The following SOX6 variants were observed in gnomAD, a reference collection of about 807,000 sequenced individuals.
SOX6 encodes the protein transcription factor SOX-6.
Under a neutral mutation model 97.8 loss-of-function variants are expected in SOX6, and 11 were observed. That is an observed-to-expected ratio of 0.11 (90% CI 0.07 to 0.19). SOX6 has a LOEUF of 0.19. SOX6 is among the 10% of genes least tolerant of loss of function. The probability of loss-of-function intolerance (pLI) is 1.00; values close to 1 mark genes in which losing one functional copy is unlikely to be tolerated. For synonymous variants in SOX6, 360 were observed against 371.4 expected, an observed-to-expected ratio of 0.97 and a Z score of 0.35; for missense variants, 810 against 1,039.5, an observed-to-expected ratio of 0.78 and a Z score of 3.04.
chr11:16,266,519 T>C (rs1309913972), intron 3 of SOX6, among the ~76,000 whole-genome samples: 1 of 151,610 alleles, frequency 6.6e-6, no homozygotes, highest in Non-Finnish European at 1.5e-5. Context: ...CATGGGTGTA[T>C]ATTTAATTTT....
intron 3 of SOX6, among the ~76,000 whole-genome samples, chr11:16,707,855 TA>T (rs1848149197): frequency 6.6e-6 from 1 of 152,166 alleles, no homozygotes; most frequent in Non-Finnish European, 1.5e-5. Context: ...TTTTCAGATT[TA>T]GGGATGCCTA....
At chr11:16,187,643 A>G (rs1441442166) in intron 4 of SOX6, among the ~76,000 whole-genome samples, 1 of 151,986 alleles carries the variant, frequency 6.6e-6, no homozygotes, top group East Asian at 1.9e-4. Flanking sequence ...GTCATTTGTC[A>G]TTTTTCAAAG....
rs1858892618 is a variant in SOX6, at chr11:16,414,725, CT to C, written c.-5+61589del. Reference sequence around the variant, plus strand: ...CGAGATCACAGAAGACTACAAGTAGCTAGGCCTTGAAAGATGGATGAAATTC... The same window carrying C: ...CGAGATCACAGAAGACTACAAGTAGCAGGCCTTGAAAGATGGATGAAATTC... On this transcript the variant is annotated intron_variant, in intron 1 of 15. Transcript: ENST00000396356. Among the ~76,000 whole-genome samples, 5 of 152,208 alleles carry C rather than the reference CT, an allele frequency of 3.3e-5. No individual in the cohort carries two copies. In the South Asian group the frequency reaches 1.0e-3, roughly 32 times the overall value.
At chr11:16,641,312 G>C (rs1274479952) in intron 3 of SOX6, among the ~76,000 whole-genome samples, 2 of 152,148 alleles carry the variant, frequency 1.3e-5, no homozygotes, top group Non-Finnish European at 2.9e-5. Flanking sequence ...ATTTGCCGAG[G>C]AGTGCTTTAC....
intron 1 of SOX6, among the ~76,000 whole-genome samples, chr11:16,452,642 C>G (rs1859740514): frequency 6.6e-6 from 1 of 152,136 alleles, no homozygotes; most frequent in Non-Finnish European, 1.5e-5. Context: ...TTTCAATGTG[C>G]TGCTATGGCC....
At chr11:16,244,354 T>C (rs1230877949) in intron 3 of SOX6, among the ~76,000 whole-genome samples, 1 of 151,862 alleles carries the variant, frequency 6.6e-6, no homozygotes, top group Non-Finnish European at 1.5e-5. Flanking sequence ...CTCTCAAATA[T>C]ATGTAATGTA....
At chr11:16,536,226 ATAACTT>A (rs1396945485) in intron 4 of SOX6, among the ~76,000 whole-genome samples, 1 of 152,222 alleles carries the variant, frequency 6.6e-6, no homozygotes, top group African/African-American at 2.4e-5. Flanking sequence ...TTCATATGCA[ATAACTT>A]TACACATTTG....
intron 3 of SOX6, among the ~76,000 whole-genome samples, chr11:16,612,441 C>T (rs892873591): frequency 6.6e-6 from 1 of 152,062 alleles, no homozygotes; most frequent in Non-Finnish European, 1.5e-5. Flanking sequence ...CCAGAGAAGT[C>T]GCTGAGTCTG....
In SOX6 at chr11:16,100,024, G is replaced by A. The variant is rs192391154; in HGVS notation, c.899-2336C>T. Among the ~76,000 whole-genome samples, 21 of 151,696 alleles carry A rather than the reference G, an allele frequency of 1.4e-4. 1 individual carries two copies. The highest frequency in any genetic ancestry group is 1.3e-3 in the Admixed American group (19 of 15,170). ...CAAGGACAAGGCAGGAGGGGTAGAA[G>A]ATGAGGGAGAAGAAGAGGGAGATTA... On this transcript the variant is annotated intron_variant, in intron 7 of 15. Transcript: ENST00000683767.
chr11:16,456,470 C>T (rs1859811976), intron 1 of SOX6, among the ~76,000 whole-genome samples: 2 of 152,042 alleles, frequency 1.3e-5, no homozygotes, highest in South Asian at 4.1e-4. Context: ...AAGGAAACCA[C>T]TATTGAGGCC....
chr11:16,069,919 G>A (rs1412075027), intron 9 of SOX6, among the ~76,000 whole-genome samples: 3 of 152,186 alleles, frequency 2.0e-5, no homozygotes, highest in African/African-American at 7.2e-5. Context: ...CACTTTGGGA[G>A]GTTGAGGCAG....
chr11:16,637,623 C>A (rs1848810455), intron 3 of SOX6, among the ~76,000 whole-genome samples: 1 of 152,158 alleles, frequency 6.6e-6, no homozygotes, highest in Non-Finnish European at 1.5e-5. Flanking sequence ...AATGATTGAA[C>A]TACTATAATA....
intron 4 of SOX6, among the ~76,000 whole-genome samples, chr11:16,507,189 T>C (rs371536125): frequency 5.3e-5 from 8 of 152,132 alleles, no homozygotes; most frequent in African/African-American, 1.9e-4. Flanking sequence ...CCACCATGAT[T>C]GTAAGCTTCC....
chr11:16,509,644 G>A (rs1860847375), intron 4 of SOX6, among the ~76,000 whole-genome samples: 1 of 152,010 alleles, frequency 6.6e-6, no homozygotes, highest in South Asian at 2.1e-4. Flanking sequence ...AACGAGTCAT[G>A]ATTATGCCCA....
chr11:16,460,722 T>C (rs928486010), intron 1 of SOX6, among the ~76,000 whole-genome samples: 3 of 152,060 alleles, frequency 2.0e-5, no homozygotes, highest in African/African-American at 7.2e-5. Flanking sequence ...CATCACTTTA[T>C]CTGAGAGAGT....
chr11:16,446,410 T>A (rs1050720770), intron 1 of SOX6, among the ~76,000 whole-genome samples: 2 of 152,136 alleles, frequency 1.3e-5, no homozygotes, highest in African/African-American at 2.4e-5. Flanking sequence ...ATTTTCTTTT[T>A]AAAATATTTT....
chr11:16,522,774 G>A (rs944843142), intron 4 of SOX6, among the ~76,000 whole-genome samples: 1 of 152,106 alleles, frequency 6.6e-6, no homozygotes, highest in Admixed American at 6.5e-5. Flanking sequence ...CAAAATAAAA[G>A]GATGAAGGAA....
intron 3 of SOX6, among the ~76,000 whole-genome samples, chr11:16,236,483 A>G (rs1853026785): frequency 6.6e-6 from 1 of 151,962 alleles, no homozygotes; most frequent in South Asian, 2.1e-4. Flanking sequence ...GTCAACAAAA[A>G]GTTTTTATTT....
At chr11:16,228,554 A>C (rs1357123249) in intron 4 of SOX6, among the ~76,000 whole-genome samples, 1 of 152,146 alleles carries the variant, frequency 6.6e-6, no homozygotes, top group Non-Finnish European at 1.5e-5. Context: ...ACAAAGTTGC[A>C]GGTATGTAGG....
Sources: gnomAD v4.1 joint callset for allele counts (sites outside exome capture counted in the v4.1 genomes callset) on GRCh38, gnomAD v4.1.1 for gene constraint, MANE v1.5 for transcripts, NCBI Gene and HGNC (gene_info 2026-07-23, HGNC 2026-07-21) for gene names.